The following SCML4 variants were observed in gnomAD, a reference collection of about 807,000 sequenced individuals.
SCML4 encodes the protein sex comb on midleg-like protein 4.
Under a neutral mutation model 41.1 loss-of-function variants are expected in SCML4, and 34 were observed. The ratio of observed to expected loss-of-function variants is 0.83; its 90% confidence interval spans 0.63 to 1.10. The LOEUF is 1.10. Ranked by LOEUF, SCML4 falls within the 50% of genes least tolerant of loss-of-function variation. The pLI, the probability that SCML4 is intolerant of heterozygous loss-of-function variation, is 0.00. For missense variants in SCML4, 522 were observed against 534.1 expected (o/e 0.98, Z 0.22); for synonymous variants, 214 against 220.9 (o/e 0.97, Z 0.28).
At chr6:107,712,961 T>A (rs1042469291) in intron 6 of SCML4, among the ~76,000 whole-genome samples, 1 of 152,228 alleles carries the variant, frequency 6.6e-6, no homozygotes, top group East Asian at 1.9e-4. Flanking sequence ...GCAGGCAGAG[T>A]TCTCCAATGA....
chr6:107,763,312 G>A (rs1779761949), intron 2 of SCML4, among the ~76,000 whole-genome samples: 1 of 151,858 alleles, frequency 6.6e-6, no homozygotes, highest in East Asian at 1.9e-4. Context: ...TGGAGGTGGA[G>A]CCTTTGGGAG....
intron 1 of SCML4, among the ~76,000 whole-genome samples, chr6:107,786,272 T>C (rs1232845957): frequency 1.3e-5 from 2 of 152,210 alleles, no homozygotes; most frequent in Non-Finnish European, 2.9e-5. Context: ...GCATTACTTG[T>C]TCTTTGCTCA....
At position 107,703,746 on chromosome 6, in the gene SCML4, A is replaced by C. The variant is rs1316052914; in HGVS notation, c.*1454T>G. The stretch of plus-strand genomic sequence containing the variant: ...GCCTTTTCTGATTCACCTTTGGGCG[A>C]AGGGAGGCCCTGAGTCATCCCTAAC... On this transcript the variant is annotated 3_prime_UTR_variant, in exon 8 of 8. Transcript: ENST00000369020. Among the ~76,000 whole-genome samples, 1 of 152,200 alleles carries C rather than the reference A, an allele frequency of 6.6e-6. No individual in the cohort carries two copies. Among genetic ancestry groups the C allele is most frequent in the African/African-American group, 2.4e-5 (1 of 41,442 alleles).
intron 5 of SCML4, among the ~76,000 whole-genome samples, chr6:107,728,403 G>C (rs887396170): frequency 1.3e-5 from 2 of 152,136 alleles, no homozygotes; most frequent in African/African-American, 4.8e-5. Context: ...CTGAGGTTGG[G>C]AGTTCAAGAC....
At chr6:107,713,583 T>A (rs1774446195) in intron 6 of SCML4, among the ~76,000 whole-genome samples, 1 of 152,238 alleles carries the variant, frequency 6.6e-6, no homozygotes, top group Admixed American at 6.5e-5. Flanking sequence ...TTGTGAATAT[T>A]ATTTGCTGCT....
Position 107,720,796 on chromosome 6 carries a change from G to A in SCML4, c.880C>T (p.Pro294Ser). 1.2e-6 allele frequency: 2 copies of A among 1,614,010 alleles called. No homozygotes were observed. Among genetic ancestry groups the A allele is most frequent in the Non-Finnish European group, 8.5e-7 (1 of 1,179,958 alleles). Residue 294 changes from proline to serine, a missense_variant, in exon 6 of 8, where the codon CCC becomes TCC. Coordinates refer to ENST00000369020, the MANE Select transcript of SCML4 (RefSeq NM_198081.5). ...GCCGAGGGGCCACCAGAAGACATGG[G>A]GCTAGTGCGGGGACCACCAGCGGTG... ...AATAGGPRTS[P>S]MSSGGPSAPG...
the SCML4 span, among the ~76,000 whole-genome samples, chr6:107,833,659 C>T: frequency 1.3e-5 from 2 of 152,138 alleles, no homozygotes; most frequent in Non-Finnish European, 2.9e-5. Flanking sequence ...GAAGTCCAGG[C>T]TTCCCCCAGT....
intron 5 of SCML4, among the ~76,000 whole-genome samples, chr6:107,733,670 C>G (rs1228289627): frequency 6.6e-6 from 1 of 152,222 alleles, no homozygotes; most frequent in Non-Finnish European, 1.5e-5. Context: ...GTCTCTAATA[C>G]AACCTGTGCA....
intron 1 of SCML4, among the ~76,000 whole-genome samples, chr6:107,823,430 T>G (rs796765230): frequency 1.4e-4 from 22 of 152,322 alleles, no homozygotes; most frequent in African/African-American, 5.3e-4. Flanking sequence ...CAAGTCACAG[T>G]GCTCCACCTG....
At chr6:107,807,978 G>A (rs1783866436) in intron 1 of SCML4, among the ~76,000 whole-genome samples, 1 of 152,222 alleles carries the variant, frequency 6.6e-6, no homozygotes. Flanking sequence ...TCTGAGGGGA[G>A]CATAAACACA....
intron 6 of SCML4, among the ~76,000 whole-genome samples, chr6:107,718,052 G>A (rs7775685): frequency 6.6e-6 from 1 of 151,960 alleles, no homozygotes; most frequent in African/African-American, 2.4e-5. Context: ...AGAGCTGGAG[G>A]CTGAGGAAGG....
intron 1 of SCML4, among the ~76,000 whole-genome samples, chr6:107,795,729 A>T (rs112160660): frequency 0.022 from 3,344 of 152,140 alleles, 124 homozygotes; most frequent in African/African-American, 0.076. Flanking sequence ...GTGTTTCACC[A>T]TGTGGGCCAG....
chr6:107,732,076 T>C (rs1776615924), intron 5 of SCML4: 1 of 152,276 alleles, frequency 6.6e-6, no homozygotes, highest in South Asian at 2.1e-4. Flanking sequence ...AGAGGGGCCT[T>C]CTGCTGTGAA....
At position 107,705,296 on chromosome 6, in the gene SCML4, C is replaced by G. The variant is rs201298012; in HGVS notation, c.1149G>C (p.Leu383=). 172 of 1,551,616 alleles carry G rather than the reference C, an allele frequency of 1.1e-4. No homozygotes were observed. Among genetic ancestry groups the G allele is most frequent in the Middle Eastern group, 1.7e-4 (1 of 6,004 alleles). The change falls in exon 8 of 8, where the codon CTG becomes CTC. Residue 383 remains leucine (L), a synonymous_variant. Transcript: ENST00000369020. The stretch of plus-strand genomic sequence containing the variant: ...GGTACTTCATGACCATGTCACTCTT[C>G]AGCAACAGCAGAGCGTTGCCATCAA... The part of the protein sequence containing the change: ...HEIDGNALLL[L]KSDMVMKYLG...
the SCML4 span, among the ~76,000 whole-genome samples, chr6:107,838,274 G>A: frequency 1.3e-5 from 2 of 152,180 alleles, no homozygotes; most frequent in African/African-American, 2.4e-5. Flanking sequence ...AACAGGGCAG[G>A]GCTCACCACA....
intron 1 of SCML4, among the ~76,000 whole-genome samples, chr6:107,780,828 G>A (rs1421943764): frequency 2.0e-5 from 3 of 151,882 alleles, no homozygotes; most frequent in Non-Finnish European, 4.4e-5. Context: ...ATTATTACCA[G>A]AACAAAGATA....
intron 1 of SCML4, among the ~76,000 whole-genome samples, chr6:107,784,182 T>C (rs1447274601): frequency 2.0e-5 from 3 of 152,118 alleles, no homozygotes; most frequent in Non-Finnish European, 4.4e-5. Flanking sequence ...CCGGGCAGAA[T>C]GGGAAAACTT....
intron 2 of SCML4, among the ~76,000 whole-genome samples, chr6:107,765,633 C>CA (rs1779975362): frequency 1.2e-5 from 1 of 84,334 alleles, no homozygotes; most frequent in African/African-American, 1.3e-4. Flanking sequence ...TTAGTGAAAC[C>CA]AAACAAACAA....
At chr6:107,830,040 G>A in the SCML4 span, among the ~76,000 whole-genome samples, 1 of 152,114 alleles carries the variant, frequency 6.6e-6, no homozygotes, top group Non-Finnish European at 1.5e-5. Flanking sequence ...TATTTCTGGA[G>A]CCCATGTGGG....
Sources: allele counts gnomAD v4.1 joint callset (sites outside exome capture counted in the v4.1 genomes callset), GRCh38; gene constraint gnomAD v4.1.1; transcripts MANE v1.5; gene names NCBI Gene and HGNC (gene_info 2026-07-23, HGNC 2026-07-21).